The following DMD variants were observed in gnomAD, a reference collection of about 807,000 sequenced individuals.
The protein encoded by DMD is dystrophin.
A neutral mutation model predicts 330.1 loss-of-function variants in DMD; 63 were observed. The ratio of observed to expected loss-of-function variants is 0.19; its 90% confidence interval spans 0.16 to 0.24. The LOEUF is 0.24. DMD is among the 10% of genes least tolerant of loss of function. The pLI is 1.00. For missense variants in DMD, 3,344 were observed against 2,684.1 expected (o/e 1.25, Z -5.43); for synonymous variants, 1,223 against 959.8 (o/e 1.27, Z -5.07).
chrX:31,522,363 C>CTCTCTCTCTCTCTATA, intron 55 of DMD, among the ~76,000 whole-genome samples: 25 of 35,958 alleles, frequency 7.0e-4, no homozygotes, highest in East Asian at 9.7e-4. Flanking sequence ...CTCTCTCTCT[C>CTCTCTCTCTCTCTATA]TATATATATA....
intron 44 of DMD, among the ~76,000 whole-genome samples, chrX:32,063,121 A>G (rs1197707591): frequency 2.7e-5 from 3 of 110,226 alleles, no homozygotes; most frequent in Admixed American, 1.9e-4. Flanking sequence ...ATGTGTGGAT[A>G]TAACACATGT....
At chrX:31,447,737 G>A (rs1242372676) in intron 59 of DMD, among the ~76,000 whole-genome samples, 1 of 111,073 alleles carries the variant, frequency 9.0e-6, no homozygotes, top group African/African-American at 3.3e-5. Context: ...GGTGGCTCAA[G>A]ACTGTAATCC....
intron 44 of DMD, among the ~76,000 whole-genome samples, chrX:32,042,829 A>T (rs2096022183): frequency 8.9e-6 from 1 of 112,037 alleles, no homozygotes; most frequent in African/African-American, 3.2e-5. Flanking sequence ...TACATTCTAG[A>T]GGAAAAAAGT....
intron 19 of DMD, among the ~76,000 whole-genome samples, chrX:32,497,236 G>A (rs1274877928): frequency 8.0e-5 from 9 of 112,004 alleles, no homozygotes; most frequent in Admixed American, 4.7e-4. Flanking sequence ...AAGAGCTCTC[G>A]TCAGTGTTAT....
At chrX:33,302,552 C>G (rs915891828) in intron 1 of DMD, among the ~76,000 whole-genome samples, 1 of 111,785 alleles carries the variant, frequency 8.9e-6, no homozygotes, top group Non-Finnish European at 1.9e-5. Flanking sequence ...TATTTGTTCT[C>G]TTTACTCTTT....
At chrX:33,065,771 C>A (rs1161221218) in intron 1 of DMD, among the ~76,000 whole-genome samples, 1 of 112,113 alleles carries the variant, frequency 8.9e-6, no homozygotes, top group East Asian at 2.8e-4. Context: ...GGTAGCCATC[C>A]TCATCTCACT....
At chrX:31,604,345 G>A (rs1292718648) in intron 55 of DMD, among the ~76,000 whole-genome samples, 1 of 111,138 alleles carries the variant, frequency 9.0e-6, no homozygotes, top group Non-Finnish European at 1.9e-5. Context: ...TCTGATAAGT[G>A]GATTCAATGA....
rs193044447 is a variant in DMD, at chrX:31,197,469, T to C, written c.9807+6492A>G. Among the ~76,000 whole-genome samples, 233 of 112,330 alleles carry C rather than the reference T, an allele frequency of 2.1e-3. 1 individual carries two copies. The highest frequency in any genetic ancestry group is 7.0e-3 in the African/African-American group (217 of 30,972). On this transcript the variant is annotated intron_variant, in intron 67 of 78. Coordinates refer to ENST00000357033, the MANE Select transcript of DMD (RefSeq NM_004006.3). ...ACAGAGAAATACTTGTTCTCAACAG[T>C]TGAGACTGTAATTTATTCTCATTTT...
chrX:33,310,182 T>C (rs763280978), intron 1 of DMD, among the ~76,000 whole-genome samples: 4 of 111,377 alleles, frequency 3.6e-5, no homozygotes, highest in African/African-American at 1.3e-4. Context: ...ATCAATATTA[T>C]TAAGAAGATA....
At position 33,010,314 on chromosome X, in the gene DMD, ATG is replaced by A. The variant is rs1346389925; in HGVS notation, c.93+9823_93+9824del. On this transcript the variant is annotated intron_variant, in intron 2 of 78. Coordinates refer to ENST00000357033, the MANE Select transcript of DMD (RefSeq NM_004006.3). Reference sequence around the variant, plus strand: ...TGTAAATATGTATATATGTACATATATGTGTATAAATATGTATATATGTACAT... The same window carrying A: ...TGTAAATATGTATATATGTACATATATGTATAAATATGTATATATGTACAT... 1.4e-4 allele frequency among the ~76,000 whole-genome samples: 15 copies of A among 107,446 alleles called. No individual in the cohort carries two copies. The East Asian group carries it at 4.0e-3, about 29-fold the overall frequency. The allele number at this position is 107,446 out of a possible 115,157, so 93.3% of individuals were successfully genotyped here.
chrX:31,659,639 GAA>G (rs869195395), intron 53 of DMD, among the ~76,000 whole-genome samples: 404 of 39,804 alleles, frequency 0.01, 3 homozygotes, highest in African/African-American at 0.035. Flanking sequence ...CTCCATCTCG[GAA>G]AAAAAAAAAA....
intron 17 of DMD, among the ~76,000 whole-genome samples, chrX:32,542,374 G>A (rs2048567886): frequency 8.9e-6 from 1 of 112,075 alleles, no homozygotes; most frequent in African/African-American, 3.2e-5. Context: ...GGAGGTTGCA[G>A]TAAGCTGAGA....
In DMD at chrX:32,641,407, C is replaced by CGT. The variant is rs1292479610; in HGVS notation, c.1331+2723_1331+2724dup. ...TAGAGAGATATATGTGTATTTTATA[C>CGT]GTATATATATATATATATATATATA... On this transcript the variant is annotated intron_variant, in intron 11 of 78. Transcript: ENST00000357033. 1.6e-4 allele frequency: 10 copies of CGT among 63,192 alleles called. No individual in the cohort carries two copies. The Admixed American group carries it at 2.1e-3, about 13-fold the overall frequency. 5.2% of individuals were successfully genotyped at this position (63,192 alleles called of 1,213,427 possible).
At chrX:31,578,804 C>A (rs1179989917) in intron 55 of DMD, among the ~76,000 whole-genome samples, 6 of 112,071 alleles carry the variant, frequency 5.4e-5, no homozygotes, top group Admixed American at 9.5e-5. Flanking sequence ...AAGTCAATTG[C>A]TATTTATTTA....
In DMD at chrX:31,566,711, G is replaced by A. The variant is rs192288970; in HGVS notation, c.8218-59258C>T. 3.4e-3 allele frequency among the ~76,000 whole-genome samples: 380 copies of A among 111,588 alleles called. 1 individual carries two copies. The highest frequency in any genetic ancestry group is 9.2e-3 in the Middle Eastern group (2 of 217). ...GAAGAACTGACATATTTGCTATGCT[G>A]ACTCTTCCAGTCTATAAACATGCCA... On this transcript the variant is annotated intron_variant, in intron 55 of 78. Transcript: ENST00000357033.
intron 1 of DMD, among the ~76,000 whole-genome samples, chrX:33,295,203 TTAC>T (rs1048150113): frequency 9.0e-6 from 1 of 111,112 alleles, no homozygotes; most frequent in African/African-American, 3.3e-5. Context: ...CTTAATTATT[TTAC>T]TACATTTCAC....
intron 42 of DMD, among the ~76,000 whole-genome samples, chrX:32,297,590 T>A: frequency 9.0e-6 from 1 of 111,711 alleles, no homozygotes; most frequent in East Asian, 2.8e-4. Context: ...TCATATATTA[T>A]ATCTTGGGTA....
chrX:32,019,754 G>A (rs1053594332), intron 44 of DMD, among the ~76,000 whole-genome samples: 3 of 112,156 alleles, frequency 2.7e-5, no homozygotes, highest in Non-Finnish European at 5.6e-5. Context: ...TGTAATTCCT[G>A]ACGCTGTCAT....
At chrX:31,427,788 G>T (rs1420990875) in intron 60 of DMD, among the ~76,000 whole-genome samples, 1 of 111,496 alleles carries the variant, frequency 9.0e-6, no homozygotes, top group Non-Finnish European at 1.9e-5. Flanking sequence ...AAAGCTCAAG[G>T]TGTAACCATT....
Sources: allele counts gnomAD v4.1 joint callset (sites outside exome capture counted in the v4.1 genomes callset), GRCh38; gene constraint gnomAD v4.1.1; transcripts MANE v1.5; gene names NCBI Gene and HGNC (gene_info 2026-07-23, HGNC 2026-07-21).